Variants in KLC1 observed in about 807,000 individuals in gnomAD.
The protein encoded by KLC1 is kinesin light chain 1, also known as kinesin 2 60/70kDa.
KLC1 carries 30 observed loss-of-function variants against 84.2 expected under a neutral mutation model. That is an observed-to-expected ratio of 0.36 (90% CI 0.27 to 0.48). The LOEUF (loss-of-function observed/expected upper bound fraction) is 0.48, where lower values mean the gene tolerates loss of function less well. KLC1 is among the 20% of genes least tolerant of loss of function. The pLI is 0.99. For missense variants in KLC1, 499 were observed against 805.4 expected, an observed-to-expected ratio of 0.62 and a Z score of 4.60; for synonymous variants, 289 against 293.3, an observed-to-expected ratio of 0.99 and a Z score of 0.15.
rs554053303 is a variant in KLC1, at chr14:103,652,347, T to A, written c.-1-2217T>A. ...GCCGGGGATATATCATGGAACAGTA[T>A]GGATGAGGTCCCTAGTGGAGCAGCA... On this transcript the variant is annotated intron_variant, in intron 1 of 16. Transcript: ENST00000334553. Among the ~76,000 whole-genome samples the A allele has an allele frequency of 3.9e-5, 6 of 152,292 alleles. No homozygotes were observed. The East Asian group carries it at 1.2e-3, about 29-fold the overall frequency.
At chr14:103,699,134 C>T (rs1410905323) in intron 15 of KLC1, 1 of 1,572,838 alleles carries the variant, frequency 6.4e-7, no homozygotes, top group Non-Finnish European at 8.6e-7. Context: ...TGCACTCACC[C>T]CAGCGGCCCG....
At chr14:103,635,872 C>A (rs1172884130) in intron 1 of KLC1, among the ~76,000 whole-genome samples, 2 of 152,114 alleles carry the variant, frequency 1.3e-5, no homozygotes, top group Non-Finnish European at 2.9e-5. Flanking sequence ...AGTCAAGATT[C>A]TAACTCAGTT....
intron 15 of KLC1, chr14:103,699,109 C>G: frequency 6.4e-7 from 1 of 1,570,636 alleles, no homozygotes; most frequent in East Asian, 2.4e-5. Context: ...CACAGAGGTG[C>G]ACACACCACA....
chr14:103,663,054 CAGGGGTTAAATTAAAAATATTT>C (rs1567022747), intron 5 of KLC1, 127 bp downstream of exon 5: 14 of 575,118 alleles, frequency 2.4e-5, no homozygotes, highest in African/African-American at 3.9e-5. Flanking sequence ...TCTCTTTAAA[CAGGGGTTAAATTAAAAATATTT>C]AGCAAGCTTT....
intron 5 of KLC1, among the ~76,000 whole-genome samples, chr14:103,663,817 T>C (rs755691590): frequency 1.3e-5 from 2 of 151,778 alleles, no homozygotes; most frequent in Non-Finnish European, 2.9e-5. Context: ...GTTGTCGGGG[T>C]GGGGCGAGGG....
At chr14:103,643,862 A>T (rs2077683528) in intron 1 of KLC1, among the ~76,000 whole-genome samples, 2 of 151,962 alleles carry the variant, frequency 1.3e-5, no homozygotes, top group Non-Finnish European at 2.9e-5. Context: ...CAGAAGGTGG[A>T]GGTTGCCTGG....
chr14:103,631,521 C>A (rs2076687004), intron 1 of KLC1, among the ~76,000 whole-genome samples: 1 of 152,064 alleles, frequency 6.6e-6, no homozygotes, highest in Non-Finnish European at 1.5e-5. Flanking sequence ...ATAGAAAAAT[C>A]AAAAGTTGAG....
chr14:103,654,853 T>G (rs770270419), intron 2 of KLC1, 28 bp downstream of exon 2: 11 of 1,590,700 alleles, frequency 6.9e-6, no homozygotes, highest in Non-Finnish European at 7.7e-6. Context: ...TCAGACGTTA[T>G]CAGGAACTTT....
chr14:103,701,215 C>A lies in KLC1; in HGVS notation c.*16C>A. 6.4e-7 allele frequency: 1 copy of A among 1,550,400 alleles called. No individual in the cohort carries two copies. The highest frequency in any genetic ancestry group is 2.4e-5 in the East Asian group (1 of 40,888). On this transcript the variant is annotated 3_prime_UTR_variant, in exon 17 of 17. Coordinates refer to ENST00000334553, the MANE Select transcript of KLC1 (RefSeq NM_001394837.1). ...TTCTCTTGCAGTGACCCCGACCTGGCCCCGCTCCAGGATGGGACTGCCGAG... is the reference window on the plus strand; with the variant it reads ...TTCTCTTGCAGTGACCCCGACCTGGACCCGCTCCAGGATGGGACTGCCGAG...
chr14:103,691,181 C>CA (rs2082089036), intron 14 of KLC1, among the ~76,000 whole-genome samples: 1 of 130,206 alleles, frequency 7.7e-6, no homozygotes, highest in South Asian at 2.5e-4. Flanking sequence ...TTTTCTGAGA[C>CA]AGAGTCTTGC....
chr14:103,653,220 T>C (rs2078597246), intron 1 of KLC1, among the ~76,000 whole-genome samples: 1 of 152,230 alleles, frequency 6.6e-6, no homozygotes, highest in Non-Finnish European at 1.5e-5. Context: ...CATAGCTGAC[T>C]GTCACCTCAA....
chr14:103,677,490 G>A lies in KLC1; in HGVS notation c.1455G>A (p.Thr485=), dbSNP rs555075019. The A allele has an allele frequency of 3.7e-5, 60 of 1,613,850 alleles. No individual in the cohort carries two copies. Among genetic ancestry groups the A allele is most frequent in the South Asian group, 4.4e-5 (4 of 91,088 alleles). Residue 485 remains threonine, a synonymous_variant, in exon 12 of 17, where the codon ACG becomes ACA. Coordinates refer to ENST00000334553, the MANE Select transcript of KLC1 (RefSeq NM_001394837.1). ...AAGGCAAATTTGAAGCTGCAGAAACGTTAGAAGAAGCTGCTATGAGGTCTC... is the reference window on the plus strand; with the variant it reads ...AAGGCAAATTTGAAGCTGCAGAAACATTAGAAGAAGCTGCTATGAGGTCTC... ...RRQGKFEAAE[T]LEEAAMRSRK...
chr14:103,669,366 G>A (rs1216519495), intron 5 of KLC1, 145 bp from the exon 6 acceptor site: 9 of 490,066 alleles, frequency 1.8e-5, no homozygotes, highest in African/African-American at 4.0e-5. Context: ...CCCGTGAGGC[G>A]GAGGTTGCAG....
intron 13 of KLC1, chr14:103,682,590 C>T (rs1395678805): frequency 6.8e-6 from 1 of 147,238 alleles, no homozygotes; most frequent in Non-Finnish European, 1.5e-5. Context: ...GAGGCCAAGG[C>T]AGGGAATCCC....
At chr14:103,675,862 G>A in intron 11 of KLC1, 106 bp downstream of exon 11, 1 of 849,752 alleles carries the variant, frequency 1.2e-6, no homozygotes, top group Non-Finnish European at 1.9e-6. Context: ...TTCCTTAAGT[G>A]CACAGTCCCA....
At chr14:103,656,557 T>C (rs1375080957) in intron 2 of KLC1, among the ~76,000 whole-genome samples, 4 of 152,214 alleles carry the variant, frequency 2.6e-5, no homozygotes, top group African/African-American at 9.6e-5. Context: ...CAGCGGTTTC[T>C]GCTTTCATAG....
At chr14:103,695,201 A>C (rs2082353968) in intron 15 of KLC1, 1 of 828,696 alleles carries the variant, frequency 1.2e-6, no homozygotes, top group Non-Finnish European at 1.5e-6. Flanking sequence ...CATGCCAGTA[A>C]TCCTATAATC....
chr14:103,696,038 C>CTG (rs1567043939), intron 15 of KLC1: 2 of 985,108 alleles, frequency 2.0e-6, no homozygotes, highest in African/African-American at 1.8e-5. Context: ...GAGAGGAACC[C>CTG]CACGCGAGAG....
At chr14:103,638,615 T>TGATG (rs1204770457) in intron 1 of KLC1, among the ~76,000 whole-genome samples, 23 of 151,652 alleles carry the variant, frequency 1.5e-4, no homozygotes, top group African/African-American at 5.6e-4. Context: ...TGACCAAAGA[T>TGATG]GATGCCCTTT....
Sources: gnomAD v4.1 joint callset for allele counts (sites outside exome capture counted in the v4.1 genomes callset) on GRCh38, gnomAD v4.1.1 for gene constraint, MANE v1.5 for transcripts, NCBI Gene and HGNC (gene_info 2026-07-23, HGNC 2026-07-21) for gene names.